The following KIAA0513 variants were observed in gnomAD, a reference collection of about 807,000 sequenced individuals.
KIAA0513 encodes the protein uncharacterized protein KIAA0513.
A neutral mutation model predicts 56.5 loss-of-function variants in KIAA0513; 39 were observed. The ratio of observed to expected loss-of-function variants is 0.69; its 90% CI spans 0.53 to 0.90. The LOEUF is 0.90. KIAA0513 is among the 40% of genes least tolerant of loss of function. The probability of loss-of-function intolerance (pLI) is 0.00; values close to 1 mark genes in which losing one functional copy is unlikely to be tolerated. For missense variants in KIAA0513, 591 were observed against 535.2 expected, an observed-to-expected ratio of 1.10 and a Z score of -1.03; for synonymous variants, 268 against 215.6, an observed-to-expected ratio of 1.24 and a Z score of -2.13.
chr16:85,073,303 C>T (rs1169610486), intron 4 of KIAA0513, among the ~76,000 whole-genome samples: 5 of 152,202 alleles, frequency 3.3e-5, no homozygotes, highest in African/African-American at 4.8e-5. Context: ...CTGCCCTCCC[C>T]GGGAGATCTG....
intron 1 of KIAA0513, among the ~76,000 whole-genome samples, chr16:85,062,510 C>G (rs1035402321): frequency 3.3e-5 from 5 of 152,200 alleles, no homozygotes; most frequent in African/African-American, 1.2e-4. Context: ...GACACAGATT[C>G]CCCTGTGGCC....
At chr16:85,075,815 T>G in intron 4 of KIAA0513, 29 bp from the exon 5 acceptor site, 1 of 1,612,470 alleles carries the variant, frequency 6.2e-7, no homozygotes, top group East Asian at 2.2e-5. Context: ...GGAGCGATCT[T>G]TAGCCATGAG....
At chr16:85,052,141 G>A (rs566051366) in intron 1 of KIAA0513, among the ~76,000 whole-genome samples, 1 of 152,158 alleles carries the variant, frequency 6.6e-6, no homozygotes, top group Middle Eastern at 3.4e-3. Flanking sequence ...CCAACATGGT[G>A]AAACCCCGTC....
At chr16:85,029,802 T>C (rs2072937941) in intron 1 of KIAA0513, among the ~76,000 whole-genome samples, 1 of 152,210 alleles carries the variant, frequency 6.6e-6, no homozygotes, top group Non-Finnish European at 1.5e-5. Context: ...ACCCTCACTT[T>C]AATACTTCCC....
At chr16:85,087,290 G>T in intron 12 of KIAA0513, 124 bp downstream of exon 12, 1 of 760,120 alleles carries the variant, frequency 1.3e-6, no homozygotes, top group East Asian at 2.6e-5. Context: ...ACGTGGTGCT[G>T]AGCTCTCGGC....
chr16:85,052,856 G>A (rs749403956), intron 1 of KIAA0513, among the ~76,000 whole-genome samples: 7 of 152,068 alleles, frequency 4.6e-5, no homozygotes, highest in East Asian at 1.9e-4. Flanking sequence ...TCTCAGTATC[G>A]TGCTTGTGTA....
intron 1 of KIAA0513, among the ~76,000 whole-genome samples, chr16:85,054,849 G>A (rs985660078): frequency 8.6e-5 from 13 of 151,910 alleles, no homozygotes; most frequent in African/African-American, 3.1e-4. Context: ...GTCCTGGCGC[G>A]GGTGGTGGCT....
chr16:85,039,933 C>T (rs2073083695), intron 1 of KIAA0513, among the ~76,000 whole-genome samples: 1 of 151,762 alleles, frequency 6.6e-6, no homozygotes, highest in Non-Finnish European at 1.5e-5. Context: ...CTCCCAGGTT[C>T]AAGCAATTCT....
intron 1 of KIAA0513, among the ~76,000 whole-genome samples, chr16:85,051,097 G>A (rs753294308): frequency 2.0e-5 from 3 of 152,070 alleles, no homozygotes; most frequent in Non-Finnish European, 2.9e-5. Flanking sequence ...ATTGAGCTAT[G>A]ATTGCACCAC....
chr16:85,059,997 G>C (rs1045323107), intron 1 of KIAA0513, among the ~76,000 whole-genome samples: 5 of 152,220 alleles, frequency 3.3e-5, no homozygotes, highest in Non-Finnish European at 7.3e-5. Context: ...GTCTCATTCT[G>C]TTGCCCAGGC....
chr16:85,044,475 A>G (rs538696859), intron 1 of KIAA0513, among the ~76,000 whole-genome samples: 97 of 151,098 alleles, frequency 6.4e-4, no homozygotes, highest in African/African-American at 2.2e-3. Context: ...CTGTCCATCC[A>G]CCACCACAAA....
intron 10 of KIAA0513, among the ~76,000 whole-genome samples, chr16:85,083,829 A>C (rs1224447470): frequency 6.6e-6 from 1 of 152,206 alleles, no homozygotes; most frequent in Non-Finnish European, 1.5e-5. Flanking sequence ...GTCCCCAGGC[A>C]ACCTCATGCT....
intron 1 of KIAA0513, among the ~76,000 whole-genome samples, chr16:85,041,788 A>C (rs1218949204): frequency 6.6e-6 from 1 of 152,158 alleles, no homozygotes; most frequent in Non-Finnish European, 1.5e-5. Flanking sequence ...TGTGTTACCC[A>C]GCTGGTGACA....
chr16:85,029,990 A>G (rs1414953404), intron 1 of KIAA0513, among the ~76,000 whole-genome samples: 1 of 152,160 alleles, frequency 6.6e-6, no homozygotes, highest in African/African-American at 2.4e-5. Context: ...CGCTGGATAT[A>G]GCAGCCCTTA....
intron 1 of KIAA0513, among the ~76,000 whole-genome samples, chr16:85,049,321 G>A (rs1376729477): frequency 1.3e-5 from 2 of 152,190 alleles, no homozygotes; most frequent in African/African-American, 4.8e-5. Context: ...GTTAGCTTTG[G>A]CCCTTCATGG....
intron 1 of KIAA0513, among the ~76,000 whole-genome samples, chr16:85,056,911 C>T (rs780669716): frequency 6.6e-6 from 1 of 152,112 alleles, no homozygotes; most frequent in Non-Finnish European, 1.5e-5. Flanking sequence ...CTCTTTGTTG[C>T]CCACACTGGT....
At position 85,078,979 on chromosome 16, in the gene KIAA0513, C is replaced by G. The variant is rs765234144; in HGVS notation, c.878C>G (p.Thr293Arg). The G allele has an allele frequency of 5.6e-6, 9 of 1,614,200 alleles. No homozygotes were observed. The highest frequency in any genetic ancestry group is 2.2e-5 in the East Asian group (1 of 44,882). The change falls in exon 8 of 13, where the codon ACG (threonine) becomes AGG (arginine). Residue 293 changes from threonine to arginine, a missense_variant. By Grantham distance (71) the Thr-to-Arg change is moderately conservative. Coordinates refer to ENST00000683363, the MANE Select transcript of KIAA0513 (RefSeq NM_001388359.1). ...AAGGGGGAGAAGATCTACCTGTACA[C>G]GCACCTGAAGCAACAGCCCATCTGG... Reference protein sequence around the residue: ...EKKGEKIYLYTHLKQQPIWHT... With the variant: ...EKKGEKIYLYRHLKQQPIWHT...
chr16:85,082,514 G>A, intron 9 of KIAA0513, 50 bp from the exon 10 acceptor site: 1 of 1,594,286 alleles, frequency 6.3e-7, no homozygotes, highest in Non-Finnish European at 8.6e-7. Context: ...CACATATCTT[G>A]CATGACTTTG....
intron 1 of KIAA0513, among the ~76,000 whole-genome samples, chr16:85,059,088 T>G (rs1044339553): frequency 6.6e-6 from 1 of 152,226 alleles, no homozygotes; most frequent in Admixed American, 6.5e-5. Flanking sequence ...AAATTTCCTG[T>G]GACTTGACAT....
Sources: allele counts gnomAD v4.1 joint callset (sites outside exome capture counted in the v4.1 genomes callset), GRCh38; gene constraint gnomAD v4.1.1; transcripts MANE v1.5; gene names NCBI Gene and HGNC (gene_info 2026-07-23, HGNC 2026-07-21).